RALYL: variants seen among roughly 807,000 people sequenced by gnomAD.
RALYL encodes RNA-binding Raly-like protein.
In RALYL, 29 loss-of-function variants were observed where a neutral mutation model predicts 35.1. The observed-to-expected ratio is 0.83, with a 90% CI of 0.61 to 1.13. The LOEUF is 1.13. Among genes scored for constraint, RALYL ranks in the 50% most tolerant of loss-of-function variants. The probability of loss-of-function intolerance (pLI) is 0.00; values close to 1 mark genes in which losing one functional copy is unlikely to be tolerated. For missense variants in RALYL, 359 were observed against 360.4 expected (o/e 1.00, Z 0.03); for synonymous variants, 120 against 127.6 (o/e 0.94, Z 0.40).
rs773665952 is a variant in RALYL at position 84,744,639 on chromosome 8, A to G, written c.257-29940A>G. Among the ~76,000 whole-genome samples, 9 of 152,134 alleles carry G rather than the reference A, an allele frequency of 5.9e-5. No individual in the cohort carries two copies. In the East Asian group the frequency reaches 1.5e-3, roughly 26 times the overall value. ...GTGGACCACATCTTGAAAATTGCCT[A>G]TCTAAACTACTCACAAAAAGACCAA... On this transcript the variant is annotated intron_variant, in intron 2 of 8. Coordinates refer to ENST00000521268, the MANE Select transcript of RALYL (RefSeq NM_173848.7).
chr8:84,485,428 A>C (rs2054508882), intron 1 of RALYL, among the ~76,000 whole-genome samples: 1 of 152,088 alleles, frequency 6.6e-6, no homozygotes, highest in Non-Finnish European at 1.5e-5. Flanking sequence ...AAAAATGTGA[A>C]AATTAACCAG....
intron 1 of RALYL, among the ~76,000 whole-genome samples, chr8:84,208,200 G>C (rs1339181991): frequency 1.3e-5 from 2 of 152,134 alleles, no homozygotes; most frequent in Admixed American, 1.3e-4. Context: ...GTATTAAATT[G>C]TGAAATCAGT....
At chr8:84,253,093 G>GATATATAC (rs1410815595) in intron 1 of RALYL, among the ~76,000 whole-genome samples, 1 of 145,632 alleles carries the variant, frequency 6.9e-6, no homozygotes, top group African/African-American at 2.6e-5. Flanking sequence ...CCCTTTATTT[G>GATATATAC]ATATATACAT....
intron 1 of RALYL, among the ~76,000 whole-genome samples, chr8:84,360,940 A>T (rs977556403): frequency 6.6e-6 from 1 of 151,594 alleles, no homozygotes; most frequent in East Asian, 1.9e-4. Context: ...CTTACATTCA[A>T]CAACTTTTCA....
chr8:84,462,711 C>A (rs2050955318), intron 1 of RALYL, among the ~76,000 whole-genome samples: 2 of 149,390 alleles, frequency 1.3e-5, no homozygotes, highest in African/African-American at 4.9e-5. Flanking sequence ...AGTTTCTAGT[C>A]CCTTCATAAA....
At chr8:84,452,067 T>C (rs1193957117) in intron 1 of RALYL, among the ~76,000 whole-genome samples, 2 of 151,948 alleles carry the variant, frequency 1.3e-5, no homozygotes, top group African/African-American at 4.8e-5. Flanking sequence ...CCTTGACCCA[T>C]TTAATAAATG....
At chr8:84,417,728 G>A (rs1193264537) in intron 1 of RALYL, among the ~76,000 whole-genome samples, 1 of 151,980 alleles carries the variant, frequency 6.6e-6, no homozygotes. Context: ...GGGACGAGGA[G>A]ACAAGACAAA....
intron 1 of RALYL, among the ~76,000 whole-genome samples, chr8:84,425,521 A>G (rs906734402): frequency 3.3e-5 from 5 of 151,996 alleles, no homozygotes; most frequent in African/African-American, 4.8e-5. Context: ...TGCGTCGCTC[A>G]CGCTGGGAGC....
At chr8:84,665,885 G>C (rs1253672567) in intron 2 of RALYL, 1 of 151,884 alleles carries the variant, frequency 6.6e-6, no homozygotes, top group African/African-American at 2.4e-5. Context: ...TCTTGACTAA[G>C]CCATCTAAAC....
chr8:84,781,293 A>G (rs1416311169), intron 3 of RALYL, among the ~76,000 whole-genome samples: 3 of 152,232 alleles, frequency 2.0e-5, no homozygotes, highest in Non-Finnish European at 4.4e-5. Flanking sequence ...TACTTATAGT[A>G]TGTTCCTCAC....
chr8:84,309,162 T>C (rs556274720), intron 1 of RALYL, among the ~76,000 whole-genome samples: 17 of 151,484 alleles, frequency 1.1e-4, no homozygotes, highest in African/African-American at 4.1e-4. Flanking sequence ...AATTTGCCTG[T>C]CTTAGACCAT....
chr8:84,876,044 C>G (rs556375775), intron 7 of RALYL, among the ~76,000 whole-genome samples: 14 of 151,962 alleles, frequency 9.2e-5, no homozygotes, highest in Non-Finnish European at 1.6e-4. Context: ...TTTTTGGAAG[C>G]GAACTCCTAA....
chr8:84,536,043 G>C (rs762251249), intron 2 of RALYL, among the ~76,000 whole-genome samples: 1 of 152,090 alleles, frequency 6.6e-6, no homozygotes, highest in Non-Finnish European at 1.5e-5. Context: ...CAATTGTTCA[G>C]GAAATAAAAC....
chr8:84,369,761 T>C (rs1383915471), intron 1 of RALYL, among the ~76,000 whole-genome samples: 2 of 152,142 alleles, frequency 1.3e-5, no homozygotes, highest in Non-Finnish European at 2.9e-5. Flanking sequence ...TGCTTTAGTT[T>C]AAGTAGTTAT....
intron 1 of RALYL, among the ~76,000 whole-genome samples, chr8:84,489,624 CAG>C (rs1288566443): frequency 6.6e-6 from 1 of 151,950 alleles, no homozygotes. Context: ...ATAGAAGTAA[CAG>C]AGAGTGCTAT....
intron 6 of RALYL, among the ~76,000 whole-genome samples, chr8:84,872,251 G>T (rs1840320680): frequency 6.6e-6 from 1 of 152,012 alleles, no homozygotes; most frequent in South Asian, 2.1e-4. Context: ...TTATCCATTT[G>T]CATACCCTTC....
intron 1 of RALYL, among the ~76,000 whole-genome samples, chr8:84,347,037 A>C (rs1364743847): frequency 4.6e-5 from 7 of 151,914 alleles, no homozygotes; most frequent in Admixed American, 4.6e-4. Flanking sequence ...GTCCCTACTA[A>C]AAATACAAAA....
chr8:84,873,140 T>A, intron 6 of RALYL, 144 bp from the exon 7 acceptor site: 1 of 487,814 alleles, frequency 2.0e-6, no homozygotes, highest in South Asian at 4.5e-5. Context: ...TCACTAGAAG[T>A]AATGTGAAGT....
At position 84,802,085 on chromosome 8, in the gene RALYL, T is replaced by C. The variant is rs994859379; in HGVS notation, c.333-2685T>C. Among the ~76,000 whole-genome samples, 8 of 152,216 alleles carry C rather than the reference T, an allele frequency of 5.3e-5. No individual in the cohort carries two copies. The East Asian group carries it at 1.5e-3, about 29-fold the overall frequency. On this transcript the variant is annotated intron_variant, in intron 3 of 8. Coordinates refer to ENST00000521268, the MANE Select transcript of RALYL (RefSeq NM_173848.7). ...CCACATAGCAAATATTTTAGGATTT[T>C]GGACATGCAGTCTGCTCTGCCACAA...
Sources: allele counts gnomAD v4.1 joint callset (sites outside exome capture counted in the v4.1 genomes callset), GRCh38; gene constraint gnomAD v4.1.1; transcripts MANE v1.5; gene names NCBI Gene and HGNC (gene_info 2026-07-23, HGNC 2026-07-21).